The following HEMK2 variants were observed in gnomAD, a reference collection of about 807,000 sequenced individuals.
HEMK2 encodes HemK methyltransferase 2, ETF1 glutamine and histone H4 lysine.
the HEMK2 span, among the ~76,000 whole-genome samples, chr21:28,826,628 T>C: frequency 2.6e-5 from 4 of 152,114 alleles, no homozygotes; most frequent in Admixed American, 2.6e-4. Flanking sequence ...ATAAAAATAA[T>C]AACAGAAAAC....
chr21:28,793,449 GAA>G, the HEMK2 span, among the ~76,000 whole-genome samples: 1 of 109,916 alleles, frequency 9.1e-6, no homozygotes, highest in African/African-American at 5.5e-5. Context: ...ACTTATGAAG[GAA>G]AACCAACTTC....
At chr21:28,756,955 T>C in the HEMK2 span, among the ~76,000 whole-genome samples, 24,360 of 152,200 alleles carry the variant, frequency 0.16, 2,213 homozygotes, top group East Asian at 0.25. Flanking sequence ...TAACTTTTGT[T>C]CTATCATTCA....
the HEMK2 span, among the ~76,000 whole-genome samples, chr21:28,602,589 G>A: frequency 1.3e-5 from 2 of 152,136 alleles, no homozygotes; most frequent in African/African-American, 4.8e-5. Flanking sequence ...CCTGAAAAGT[G>A]CATAGAAATC....
the HEMK2 span, among the ~76,000 whole-genome samples, chr21:28,870,565 TA>T: frequency 6.6e-6 from 1 of 152,208 alleles, no homozygotes; most frequent in African/African-American, 2.4e-5. Context: ...CCACACTCGC[TA>T]ATTTTTTTAT....
chr21:28,773,835 C>T, the HEMK2 span, among the ~76,000 whole-genome samples: 1,097 of 152,240 alleles, frequency 7.2e-3, 13 homozygotes, highest in African/African-American at 0.025. Flanking sequence ...TGGCCTGATA[C>T]TTGATGTCCT....
At chr21:28,704,570 A>C in the HEMK2 span, among the ~76,000 whole-genome samples, 33,430 of 150,700 alleles carry the variant, frequency 0.22, 4,179 homozygotes, top group East Asian at 0.38. Flanking sequence ...AAAAAAAAAA[A>C]AAAAAAAACT....
At chr21:28,862,616 G>A in the HEMK2 span, among the ~76,000 whole-genome samples, 5 of 150,832 alleles carry the variant, frequency 3.3e-5, 1 homozygote, top group Middle Eastern at 3.4e-3. Context: ...TCCGCAGTCC[G>A]GCCTGGGCGA....
the HEMK2 span, among the ~76,000 whole-genome samples, chr21:28,818,585 C>T: frequency 0.18 from 26,996 of 152,120 alleles, 3,037 homozygotes; most frequent in East Asian, 0.4. Context: ...TCTCTCCTTC[C>T]CCTTCTTTGC....
At chr21:28,793,256 C>T in the HEMK2 span, among the ~76,000 whole-genome samples, 3 of 152,162 alleles carry the variant, frequency 2.0e-5, no homozygotes, top group Non-Finnish European at 4.4e-5. Flanking sequence ...GTGGTAACCA[C>T]CTCTGAATTG....
At chr21:28,678,447 G>A in the HEMK2 span, among the ~76,000 whole-genome samples, 1 of 152,190 alleles carries the variant, frequency 6.6e-6, no homozygotes, top group Non-Finnish European at 1.5e-5. Context: ...CGGGGAGAAT[G>A]GAACCAAGCT....
chr21:28,700,491 A>T, the HEMK2 span, among the ~76,000 whole-genome samples: 1 of 152,208 alleles, frequency 6.6e-6, no homozygotes, highest in African/African-American at 2.4e-5. Flanking sequence ...ATAATATTTT[A>T]AAAAGCCTTC....
At chr21:28,607,045 CTT>C in the HEMK2 span, among the ~76,000 whole-genome samples, 1 of 152,118 alleles carries the variant, frequency 6.6e-6, no homozygotes, top group Non-Finnish European at 1.5e-5. Context: ...ATTATGGAGG[CTT>C]GCAAGAGGTA....
the HEMK2 span, among the ~76,000 whole-genome samples, chr21:28,832,275 T>C: frequency 6.6e-6 from 1 of 152,172 alleles, no homozygotes; most frequent in Admixed American, 6.5e-5. Context: ...TGTTTCAGGA[T>C]GTGGTTTTAG....
chr21:28,843,271 C>T, the HEMK2 span, among the ~76,000 whole-genome samples: 1 of 152,072 alleles, frequency 6.6e-6, no homozygotes, highest in Non-Finnish European at 1.5e-5. Flanking sequence ...ACTCACAGTT[C>T]TGCATGGCTG....
At chr21:28,621,507 T>C in the HEMK2 span, among the ~76,000 whole-genome samples, 1 of 152,190 alleles carries the variant, frequency 6.6e-6, no homozygotes, top group Non-Finnish European at 1.5e-5. Flanking sequence ...CCAAACAGGC[T>C]TTGTGTGAGC....
chr21:28,597,096 G>A, the HEMK2 span, among the ~76,000 whole-genome samples: 2 of 152,056 alleles, frequency 1.3e-5, no homozygotes, highest in Non-Finnish European at 2.9e-5. Context: ...AAACAGACAT[G>A]CTAAATATAT....
the HEMK2 span, among the ~76,000 whole-genome samples, chr21:28,813,007 C>T: frequency 3.3e-5 from 5 of 152,050 alleles, no homozygotes; most frequent in Admixed American, 6.6e-5. Flanking sequence ...TTTATTGTGT[C>T]TGTTTGATTC....
chr21:28,726,786 T>C, the HEMK2 span, among the ~76,000 whole-genome samples: 1 of 149,760 alleles, frequency 6.7e-6, no homozygotes, highest in East Asian at 2.0e-4. Context: ...TGGGTGCCTG[T>C]AATCCCAGCT....
chr21:28,752,355 T>G, the HEMK2 span, among the ~76,000 whole-genome samples: 2 of 152,282 alleles, frequency 1.3e-5, no homozygotes, highest in Admixed American at 1.3e-4. Flanking sequence ...GTCATTCCAG[T>G]TAGTAGTACC....
Sources: allele counts gnomAD v4.1 joint callset (sites outside exome capture counted in the v4.1 genomes callset), GRCh38; gene constraint gnomAD v4.1.1; transcripts MANE v1.5; gene names NCBI Gene and HGNC (gene_info 2026-07-23, HGNC 2026-07-21).